The following CTNNA2 variants were observed in gnomAD, a reference collection of about 807,000 sequenced individuals.
The protein encoded by CTNNA2 is catenin alpha 2, also known as catenin alpha-2.
In CTNNA2, 42 loss-of-function variants were observed where a neutral mutation model predicts 101.0. The ratio of observed to expected loss-of-function variants is 0.42; its 90% CI spans 0.32 to 0.54. CTNNA2 has a LOEUF of 0.54. Ranked by LOEUF, CTNNA2 falls within the 20% of genes least tolerant of loss-of-function variation. The pLI is 0.14. For missense variants in CTNNA2, 871 were observed against 1,223.1 expected (o/e 0.71, Z 4.29); for synonymous variants, 450 against 456.4 (o/e 0.99, Z 0.18).
At chr2:80,567,785 G>A (rs1438449290) in intron 12 of CTNNA2, among the ~76,000 whole-genome samples, 2 of 152,072 alleles carry the variant, frequency 1.3e-5, no homozygotes, top group African/African-American at 4.8e-5. Context: ...TCTGTGATGG[G>A]GGGAGGATAT....
chr2:80,238,458 G>A (rs1709658547), intron 7 of CTNNA2, among the ~76,000 whole-genome samples: 1 of 152,192 alleles, frequency 6.6e-6, no homozygotes, highest in Non-Finnish European at 1.5e-5. Context: ...ACAGGCTGAT[G>A]TGCCTTTTTA....
intron 4 of CTNNA2, among the ~76,000 whole-genome samples, chr2:79,445,884 TAAAAC>T (rs1238960496): frequency 6.6e-6 from 1 of 151,962 alleles, no homozygotes; most frequent in African/African-American, 2.4e-5. Context: ...TAATAAAAAA[TAAAAC>T]AAGAGCATCC....
At chr2:80,370,023 C>G (rs1447861566) in intron 7 of CTNNA2, among the ~76,000 whole-genome samples, 1 of 152,114 alleles carries the variant, frequency 6.6e-6, no homozygotes, top group Non-Finnish European at 1.5e-5. Context: ...CAGTAGAAAA[C>G]TAATTTGGCA....
chr2:79,407,417 G>A (rs1026055845), intron 4 of CTNNA2, among the ~76,000 whole-genome samples: 1 of 151,904 alleles, frequency 6.6e-6, no homozygotes, highest in Admixed American at 6.6e-5. Flanking sequence ...GAACTAAGAT[G>A]AGAAATCACA....
chr2:80,200,155 A>G (rs1200115403), intron 7 of CTNNA2, among the ~76,000 whole-genome samples: 1 of 152,212 alleles, frequency 6.6e-6, no homozygotes, highest in Admixed American at 6.5e-5. Context: ...GACCCTTGAG[A>G]AAAGAAAGAA....
At chr2:79,413,490 ATAT>A (rs1678440922) in intron 4 of CTNNA2, among the ~76,000 whole-genome samples, 1 of 152,012 alleles carries the variant, frequency 6.6e-6, no homozygotes, top group Non-Finnish European at 1.5e-5. Context: ...TTGATTTTGA[ATAT>A]TAGTTACTTT....
chr2:80,259,752 A>C (rs912845713), intron 7 of CTNNA2, among the ~76,000 whole-genome samples: 2 of 152,210 alleles, frequency 1.3e-5, no homozygotes, highest in African/African-American at 2.4e-5. Context: ...ATGATGTAGA[A>C]GATATAGGTT....
At chr2:80,541,227 AT>A (rs1475618485) in intron 9 of CTNNA2, among the ~76,000 whole-genome samples, 1 of 152,210 alleles carries the variant, frequency 6.6e-6, no homozygotes, top group Middle Eastern at 3.2e-3. Context: ...AATCCTTAGC[AT>A]CATATTGGAA....
intron 7 of CTNNA2, among the ~76,000 whole-genome samples, chr2:80,190,837 G>T (rs1408747197): frequency 6.6e-6 from 1 of 152,130 alleles, no homozygotes; most frequent in Non-Finnish European, 1.5e-5. Flanking sequence ...AAATTATAGG[G>T]ATTCCTTTTG....
At chr2:80,617,465 A>G (rs1056160494) in intron 17 of CTNNA2, among the ~76,000 whole-genome samples, 1 of 151,884 alleles carries the variant, frequency 6.6e-6, no homozygotes, top group Non-Finnish European at 1.5e-5. Context: ...AAAATAATAA[A>G]TGATACAGCA....
At chr2:80,187,417 A>G (rs896025631) in intron 7 of CTNNA2, among the ~76,000 whole-genome samples, 1 of 152,256 alleles carries the variant, frequency 6.6e-6, no homozygotes, top group African/African-American at 2.4e-5. Context: ...TATTCACACT[A>G]TATAACAAAG....
chr2:79,492,613 G>A (rs992157116), intron 4 of CTNNA2, among the ~76,000 whole-genome samples: 1 of 152,044 alleles, frequency 6.6e-6, no homozygotes, highest in Non-Finnish European at 1.5e-5. Context: ...TTCATAATTT[G>A]CATGCTAAAT....
chr2:79,759,918 T>C (rs1178911514), intron 3 of CTNNA2, among the ~76,000 whole-genome samples: 1 of 152,192 alleles, frequency 6.6e-6, no homozygotes, highest in Non-Finnish European at 1.5e-5. Context: ...TAAACTTTAT[T>C]CTTTTTTGCC....
At chr2:79,469,863 A>G (rs1178962942) in intron 4 of CTNNA2, among the ~76,000 whole-genome samples, 5 of 152,340 alleles carry the variant, frequency 3.3e-5, no homozygotes, top group Admixed American at 6.5e-5. Context: ...TAAATTAGCT[A>G]TTGATGGGAT....
chr2:79,467,072 C>G (rs1214923779), intron 4 of CTNNA2, among the ~76,000 whole-genome samples: 2 of 152,188 alleles, frequency 1.3e-5, no homozygotes, highest in Non-Finnish European at 2.9e-5. Flanking sequence ...GATGATCAAA[C>G]TTCTCTGAGC....
chr2:79,313,716 C>T (rs1676433648), intron 3 of CTNNA2, among the ~76,000 whole-genome samples: 1 of 152,150 alleles, frequency 6.6e-6, no homozygotes, highest in South Asian at 2.1e-4. Context: ...ACATGCAGGT[C>T]TGTCTTCTTC....
rs146668758 is a variant in CTNNA2, at chr2:79,556,487, A to T, written c.-6+43280A>T. On this transcript the variant is annotated intron_variant, in intron 1 of 18. Transcript: ENST00000402739. ...GCCTTTTTCATCTAGTTCAACAAAC[A>T]TGAGATGATTCTGACGGTTTCTAGT... 9.7e-3 allele frequency among the ~76,000 whole-genome samples: 1,472 copies of T among 152,176 alleles called. 15 individuals are homozygous for T. The highest frequency in any genetic ancestry group is 0.016 in the Non-Finnish European group (1,064 of 67,926).
chr2:80,597,262 G>C (rs1456929622), intron 15 of CTNNA2, among the ~76,000 whole-genome samples: 2 of 152,134 alleles, frequency 1.3e-5, no homozygotes, highest in African/African-American at 4.8e-5. Context: ...GCCATATGCA[G>C]AAAACTGAAA....
chr2:80,149,205 A>T (rs1230732736), intron 7 of CTNNA2, among the ~76,000 whole-genome samples: 3 of 151,900 alleles, frequency 2.0e-5, no homozygotes, highest in African/African-American at 7.3e-5. Flanking sequence ...GCTAATTTTT[A>T]AAAGTGTTTT....
Sources: gnomAD v4.1 joint callset for allele counts (sites outside exome capture counted in the v4.1 genomes callset) on GRCh38, gnomAD v4.1.1 for gene constraint, MANE v1.5 for transcripts, NCBI Gene and HGNC (gene_info 2026-07-23, HGNC 2026-07-21) for gene names.